The following MAML3 variants were observed in gnomAD, a reference collection of about 807,000 sequenced individuals.
The protein encoded by MAML3 is mastermind-like protein 3.
Under a neutral mutation model 101.9 loss-of-function variants are expected in MAML3, and 27 were observed. That is an observed-to-expected ratio of 0.27 (90% CI 0.20 to 0.37). The LOEUF is 0.37. Among genes scored for constraint, MAML3 ranks in the 10% least tolerant of loss-of-function variants. The probability of loss-of-function intolerance (pLI) is 1.00; values close to 1 mark genes in which losing one functional copy is unlikely to be tolerated. For missense variants in MAML3, 1,316 were observed against 1,444.9 expected (o/e 0.91, Z 1.45); for synonymous variants, 501 against 555.9 (o/e 0.90, Z 1.39).
intron 2 of MAML3, among the ~76,000 whole-genome samples, chr4:139,787,421 T>C (rs1439118358): frequency 6.6e-6 from 1 of 152,200 alleles, no homozygotes; most frequent in Non-Finnish European, 1.5e-5. Context: ...TAAATTATTA[T>C]TATTCCTGTT....
At chr4:139,852,403 G>GTTTTTTTTTTTTTTTTTTGT (rs1731573597) in intron 2 of MAML3, among the ~76,000 whole-genome samples, 3 of 68,326 alleles carry the variant, frequency 4.4e-5, no homozygotes, top group African/African-American at 2.0e-4. Context: ...TCAGAAGACT[G>GTTTTTTTTTTTTTTTTTTGT]TTTTTTTTTT....
intron 2 of MAML3, among the ~76,000 whole-genome samples, chr4:139,854,065 C>T (rs1051048946): frequency 1.3e-5 from 2 of 151,926 alleles, no homozygotes; most frequent in South Asian, 4.2e-4. Context: ...TCAGGTGATC[C>T]GCCCGCCTCG....
chr4:139,719,221 G>T lies in MAML3; in HGVS notation c.*102C>A, dbSNP rs1336211249. On this transcript the variant is annotated 3_prime_UTR_variant, in exon 5 of 5. Transcript: ENST00000509479. ...CCAGCTGCAGTTTTGCTCAGTTTAC[G>T]TGGGTCAAAAAAACAAAAAACAAGG... The T allele has an allele frequency of 1.5e-6, 2 of 1,378,280 alleles. No homozygotes were observed. The highest frequency in any genetic ancestry group is 1.5e-5 in the African/African-American group (1 of 68,632). 85.4% of individuals were successfully genotyped at this position (1,378,280 alleles called of 1,614,324 possible). A position where few individuals can be genotyped will look rare whatever the true frequency, so the allele number is the denominator to read the frequency against.
intron 1 of MAML3, among the ~76,000 whole-genome samples, chr4:140,018,967 C>T (rs1726691035): frequency 3.9e-5 from 6 of 151,916 alleles, no homozygotes; most frequent in Admixed American, 3.9e-4. Flanking sequence ...CAAAACCTCT[C>T]AATTCAAATT....
At chr4:139,936,938 C>G (rs1733519119) in intron 1 of MAML3, among the ~76,000 whole-genome samples, 1 of 152,096 alleles carries the variant, frequency 6.6e-6, no homozygotes, top group Non-Finnish European at 1.5e-5. Context: ...AATTCAGGAG[C>G]CAGGAGTTTA....
chr4:139,721,817 T>C (rs186020091), intron 4 of MAML3, among the ~76,000 whole-genome samples: 104 of 152,344 alleles, frequency 6.8e-4, no homozygotes, highest in African/African-American at 2.4e-3. Flanking sequence ...AAATCGAAAG[T>C]TCCTAGTAAA....
At chr4:139,949,298 A>C (rs533642938) in intron 1 of MAML3, among the ~76,000 whole-genome samples, 1 of 152,304 alleles carries the variant, frequency 6.6e-6, no homozygotes, top group South Asian at 2.1e-4. Flanking sequence ...TACAGGCGTG[A>C]GCCACCACAC....
In MAML3 at chr4:139,890,797, A is replaced by G. The variant is rs368215528; in HGVS notation, c.639T>C (p.Pro213=). 3 of 1,614,050 alleles carry G rather than the reference A, an allele frequency of 1.9e-6. No individual in the cohort carries two copies. In the East Asian group the frequency reaches 6.7e-5, roughly 36 times the overall value. The change falls in exon 2 of 5, where the codon CCT becomes CCC. Residue 213 remains proline, a synonymous_variant. Transcript: ENST00000509479. This position sits in a 1 kb window ranked among gnomAD's most constrained non-coding sequence, Gnocchi z 4.1. ...CAAGTTGGTGAAGAGGAGAAGCTGA[A>G]GGCAGTGGCATGTTACTGGGCAAAT... ...INNLPSNMPL[P]SASPLHQLDL...
At chr4:139,828,379 T>C (rs1731099314) in intron 2 of MAML3, among the ~76,000 whole-genome samples, 1 of 152,266 alleles carries the variant, frequency 6.6e-6, no homozygotes, top group African/African-American at 2.4e-5. Context: ...ACTACACTAA[T>C]AGGACAGGGT....
In MAML3 at chr4:139,889,488, GCT is replaced by G. The variant is rs764870570; in HGVS notation, c.1946_1947del (p.Gln649ProfsTer96). The G allele has an allele frequency of 2.1e-5, 34 of 1,610,388 alleles. No individual in the cohort carries two copies. The Admixed American group carries it at 2.7e-4, about 13-fold the overall frequency. ...GCCTGGAGCTGTGGAGGTGGCGGCT[GCT>G]GCTGCTGCTGCTGCTGCTGTTGCTG... Reference protein sequence around the residue: ...QQQQQQQQQQQQPPPPQLQAP... With the variant: ...QQQQQQQQQQXQPPPPQLQAP... On this transcript the variant is annotated frameshift_variant, in exon 2 of 5. Coordinates refer to ENST00000509479, the MANE Select transcript of MAML3 (RefSeq NM_018717.5). LOFTEE classifies it high-confidence loss of function.
At chr4:139,976,922 A>C (rs761606844) in intron 1 of MAML3, among the ~76,000 whole-genome samples, 3 of 152,110 alleles carry the variant, frequency 2.0e-5, no homozygotes, top group Non-Finnish European at 4.4e-5. Context: ...ACAGAGGCCC[A>C]GGTACTATGG....
At position 140,153,842 on chromosome 4, in the gene MAML3, T is replaced by C. The variant is rs1042123851; in HGVS notation, c.-515A>G. The C allele has an allele frequency of 3.9e-5, 6 of 154,750 alleles. No homozygotes were observed. The highest frequency in any genetic ancestry group is 1.4e-4 in the African/African-American group (6 of 41,488). The allele number at this position is 154,750 out of a possible 1,614,324, so 9.6% of individuals were successfully genotyped here. On this transcript the variant is annotated 5_prime_UTR_variant, in exon 1 of 5. The change abolishes the stop of an existing upstream ORF in the 5' untranslated region. Transcript: ENST00000509479. Reference sequence around the variant, plus strand: ...CCGCATCGGAAAACGGCAAGCTTGCTTATTGCATTTTCCTTCCACAAAAAA... The same window carrying C: ...CCGCATCGGAAAACGGCAAGCTTGCCTATTGCATTTTCCTTCCACAAAAAA...
intron 1 of MAML3, among the ~76,000 whole-genome samples, chr4:140,039,368 G>A (rs1251548242): frequency 6.6e-6 from 1 of 152,092 alleles, no homozygotes; most frequent in Non-Finnish European, 1.5e-5. Context: ...GAAATCCACA[G>A]GCCCACTAAC....
intron 2 of MAML3, among the ~76,000 whole-genome samples, chr4:139,848,951 C>T (rs1731497923): frequency 6.6e-6 from 1 of 152,130 alleles, no homozygotes; most frequent in Admixed American, 6.5e-5. Context: ...TTGAAAAATG[C>T]CCCCATTTTC....
intron 1 of MAML3, among the ~76,000 whole-genome samples, chr4:139,910,549 C>G (rs1450698636): frequency 6.6e-6 from 1 of 152,132 alleles, no homozygotes; most frequent in Non-Finnish European, 1.5e-5. Flanking sequence ...TTATATTGGA[C>G]AGCACAGTTG....
chr4:140,049,339 GC>G (rs1438625730), intron 1 of MAML3, among the ~76,000 whole-genome samples: 1 of 152,152 alleles, frequency 6.6e-6, no homozygotes. Flanking sequence ...TCTTTCTTCA[GC>G]TTTTACCAGC....
At chr4:139,766,316 C>T (rs888750065) in intron 2 of MAML3, among the ~76,000 whole-genome samples, 4 of 152,126 alleles carry the variant, frequency 2.6e-5, no homozygotes, top group Admixed American at 6.6e-5. Context: ...GGATTACAGG[C>T]GCCCACCACC....
At chr4:140,138,568 T>C (rs576977272) in intron 1 of MAML3, among the ~76,000 whole-genome samples, 136 of 152,318 alleles carry the variant, frequency 8.9e-4, no homozygotes, top group Non-Finnish European at 1.7e-3. Flanking sequence ...GGTGCTGATC[T>C]GCACACACCA....
At chr4:139,759,200 G>C (rs1729708331) in intron 2 of MAML3, among the ~76,000 whole-genome samples, 1 of 152,222 alleles carries the variant, frequency 6.6e-6, no homozygotes, top group Admixed American at 6.5e-5. Flanking sequence ...ATGGTACAGG[G>C]CACAGCAGTT....
Sources: allele counts gnomAD v4.1 joint callset (sites outside exome capture counted in the v4.1 genomes callset), GRCh38; gene constraint gnomAD v4.1.1; non-coding constraint Gnocchi (gnomAD v3.1); transcripts MANE v1.5; gene names NCBI Gene and HGNC (gene_info 2026-07-23, HGNC 2026-07-21).